TOMM6: variants seen among roughly 807,000 people sequenced by gnomAD.
TOMM6 encodes the protein mitochondrial import receptor subunit TOM6 homolog.
A neutral mutation model predicts 6.0 loss-of-function variants in TOMM6; 6 were observed. That is an observed-to-expected ratio of 1.00 (90% CI 0.55 to 1.98). The LOEUF (loss-of-function observed/expected upper bound fraction) is 1.98, where lower values mean the gene tolerates loss of function less well. Among genes scored for constraint, TOMM6 ranks in the 30% most tolerant of loss-of-function variants. The pLI is 0.00. For synonymous variants in TOMM6, 44 were observed against 36.3 expected, an observed-to-expected ratio of 1.21 and a Z score of -0.76; for missense variants, 104 against 95.3, an observed-to-expected ratio of 1.09 and a Z score of -0.38.
At position 41,789,173 on chromosome 6, in the gene TOMM6, C is replaced by T. The variant is rs1772747211; in HGVS notation, c.129-59C>T. 7.6e-6 allele frequency: 11 copies of T among 1,447,554 alleles called. No individual in the cohort carries two copies. The East Asian group carries it at 2.2e-4, about 29-fold the overall frequency. 89.7% of individuals were successfully genotyped at this position (1,447,554 alleles called of 1,614,324 possible). A position where few individuals can be genotyped will look rare whatever the true frequency, so the allele number is the denominator to read the frequency against. Reference sequence around the variant, plus strand: ...GGAAGCCTTTCCCCCCAGTACATTTCGTTAACTGTACAACTGACTCAGTGA... The same window carrying T: ...GGAAGCCTTTCCCCCCAGTACATTTTGTTAACTGTACAACTGACTCAGTGA... On this transcript the variant is annotated intron_variant, in intron 1 of 2. Coordinates refer to ENST00000398881, the MANE Select transcript of TOMM6 (RefSeq NM_001382294.1).
intron 1 of TOMM6, 123 bp from the exon 2 acceptor site, chr6:41,789,109 C>T (rs868656950): frequency 6.3e-5 from 55 of 872,612 alleles, no homozygotes; most frequent in Middle Eastern, 6.6e-4. Context: ...AGCAACCTGC[C>T]GTCACAACCA....
At chr6:41,787,968 C>G in intron 1 of TOMM6, 143 bp downstream of exon 1, 2 of 1,207,154 alleles carry the variant, frequency 1.7e-6, no homozygotes, top group Non-Finnish European at 2.3e-6. Flanking sequence ...CTGGCTGTGC[C>G]TCACTGAGAT....
chr6:41,789,343 A>G lies in TOMM6; in HGVS notation c.*8+7A>G. 6.5e-7 allele frequency: 1 copy of G among 1,541,614 alleles called. No individual in the cohort carries two copies. Among genetic ancestry groups the G allele is most frequent in the South Asian group, 1.2e-5 (1 of 83,862 alleles). Reference sequence around the variant, plus strand: ...CAGGGGTGTAGCCAAGTAGGTAAGCACTGAACTACACCCATGCGTGTCTTA... The same window carrying G: ...CAGGGGTGTAGCCAAGTAGGTAAGCGCTGAACTACACCCATGCGTGTCTTA... On this transcript the variant is annotated splice_region_variant and intron_variant, in intron 2 of 2. Transcript: ENST00000398881.
rs373568697 is a variant in TOMM6, at chr6:41,787,760, G to A, written c.63G>A (p.Pro21=). Residue 21 remains proline (P), a synonymous_variant, in exon 1 of 3, where the codon CCG becomes CCA. Transcript: ENST00000398881. ...CGGCTAATGAAACTCCCGAAATACCGGACAACGTGGGAGATTGGCTTCGGG... is the reference window on the plus strand; with the variant it reads ...CGGCTAATGAAACTCCCGAAATACCAGACAACGTGGGAGATTGGCTTCGGG... ...AGSANETPEI[P]DNVGDWLRGV... is the part of the protein sequence containing the mutation. 7 of 1,551,594 alleles carry A rather than the reference G, an allele frequency of 4.5e-6. No individual in the cohort carries two copies. The African/African-American group carries it at 8.2e-5, about 18-fold the overall frequency.
chr6:41,788,379 C>A (rs1439501175), intron 1 of TOMM6, among the ~76,000 whole-genome samples: 2 of 140,352 alleles, frequency 1.4e-5, no homozygotes, highest in Admixed American at 7.3e-5. Context: ...CTCCTGACCT[C>A]GTGATCCGCC....
intron 1 of TOMM6, among the ~76,000 whole-genome samples, chr6:41,788,270 GAGT>G (rs1772720334): frequency 8.6e-6 from 1 of 116,514 alleles, no homozygotes; most frequent in Non-Finnish European, 1.8e-5. Flanking sequence ...TCAGCCTCCC[GAGT>G]AGCTGGGACT....
chr6:41,787,852 T>G (rs1284622734), intron 1 of TOMM6, 27 bp downstream of exon 1: 1 of 1,550,772 alleles, frequency 6.4e-7, no homozygotes, highest in African/African-American at 1.4e-5. Flanking sequence ...AACTTGGTCC[T>G]TTTCTGGCCC....
At chr6:41,789,367 T>C in intron 2 of TOMM6, 31 bp downstream of exon 2, 10 of 1,465,254 alleles carry the variant, frequency 6.8e-6, no homozygotes, top group Non-Finnish European at 9.4e-6. Flanking sequence ...ATGCGTGTCT[T>C]AGGAGACCTA....
rs534595534 is a variant in TOMM6, at chr6:41,788,135, A to T, written c.128+310A>T. 3.1e-3 allele frequency among the ~76,000 whole-genome samples: 260 copies of T among 84,070 alleles called. 6 individuals carry two copies. The East Asian group carries it at 0.075, about 24-fold the overall frequency. 55.2% of individuals were successfully genotyped at this position (84,070 alleles called of 152,430 possible). A position where few individuals can be genotyped will look rare whatever the true frequency, so the allele number is the denominator to read the frequency against. ...AGCTGGGCTTTGCGTTTGATCTTAC[A>T]TTTCTTTTTTGTTTTTTTTTTTTTT... On this transcript the variant is annotated intron_variant, in intron 1 of 2. Coordinates refer to ENST00000398881, the MANE Select transcript of TOMM6 (RefSeq NM_001382294.1).
At chr6:41,787,898 G>C in intron 1 of TOMM6, 73 bp downstream of exon 1, 1 of 1,522,246 alleles carries the variant, frequency 6.6e-7, no homozygotes, top group South Asian at 1.2e-5. Flanking sequence ...CGAGGCTGGC[G>C]CCTCAGGGTT....
chr6:41,787,736 G>A lies in TOMM6; in HGVS notation c.39G>A (p.Ser13=). ...SSTVPVSAAG[S]ANETPEIPDN... is the part of the protein sequence containing the mutation. The stretch of plus-strand genomic sequence containing the variant: ...CTGTCCCGGTGAGCGCTGCTGGCTC[G>A]GCTAATGAAACTCCCGAAATACCGG... Residue 13 remains serine (S), a synonymous_variant, in exon 1 of 3, where the codon TCG becomes TCA. Transcript: ENST00000398881. 2 of 1,551,668 alleles carry A rather than the reference G, an allele frequency of 1.3e-6. No individual in the cohort carries two copies. The highest frequency in any genetic ancestry group is 1.2e-5 in the South Asian group (1 of 84,052).
intron 1 of TOMM6, among the ~76,000 whole-genome samples, chr6:41,788,235 C>A (rs563051975): frequency 2.0e-5 from 3 of 150,094 alleles, no homozygotes; most frequent in African/African-American, 7.3e-5. Context: ...AGCTCCGCCT[C>A]CCGGGTTCAC....
rs1772748967 is a variant in TOMM6, at chr6:41,789,256, CTT to C, written c.155_156del (p.Phe52CysfsTer12). On this transcript the variant is annotated frameshift_variant, in exon 2 of 3. Coordinates refer to ENST00000398881, the MANE Select transcript of TOMM6 (RefSeq NM_001382294.1). LOFTEE classifies it high-confidence loss of function. The stretch of plus-strand genomic sequence containing the variant: ...GGAACTTGATACTAAATTTGGGACT[CTT>C]TGCTGCGGGAGTTTGGCTGGCCAGG... ...RRNLILNLGL[F>X]AAGVWLARNL... 2 of 1,551,262 alleles carry C rather than the reference CTT, an allele frequency of 1.3e-6. No individual in the cohort carries two copies. The highest frequency in any genetic ancestry group is 1.7e-6 in the Non-Finnish European group (2 of 1,146,982).
chr6:41,787,738 C>T lies in TOMM6; in HGVS notation c.41C>T (p.Ala14Val). Residue 14 changes from alanine (A) to valine (V), a missense_variant, in exon 1 of 3, where the codon GCT becomes GTT. Ala to Val is a moderately conservative substitution (Grantham distance 64). Coordinates refer to ENST00000398881, the MANE Select transcript of TOMM6 (RefSeq NM_001382294.1). The part of the protein sequence containing the change: ...STVPVSAAGS[A>V]NETPEIPDNV... ...GTCCCGGTGAGCGCTGCTGGCTCGGCTAATGAAACTCCCGAAATACCGGAC... is the reference window on the plus strand; with the variant it reads ...GTCCCGGTGAGCGCTGCTGGCTCGGTTAATGAAACTCCCGAAATACCGGAC... 6.4e-7 allele frequency: 1 copy of T among 1,551,706 alleles called. No individual in the cohort carries two copies. Among genetic ancestry groups the T allele is most frequent in the Non-Finnish European group, 8.7e-7 (1 of 1,146,986 alleles).
intron 1 of TOMM6, 54 bp downstream of exon 1, chr6:41,787,879 C>T (rs1772705743): frequency 1.3e-6 from 2 of 1,536,288 alleles, no homozygotes; most frequent in African/African-American, 1.4e-5. Context: ...CCGTATTTCC[C>T]CTTTCTTGCG....
Position 41,788,146 on chromosome 6 carries a change from G to GTTT in TOMM6, c.128+335_128+337dup, listed in dbSNP as rs1363261822. 8.4e-4 allele frequency among the ~76,000 whole-genome samples: 81 copies of GTTT among 95,960 alleles called. 9 individuals are homozygous for GTTT. The highest frequency in any genetic ancestry group is 1.1e-3 in the Non-Finnish European group (49 of 45,148). The allele number at this position is 95,960 out of a possible 152,430, so 63.0% of individuals were successfully genotyped here. A position where few individuals can be genotyped will look rare whatever the true frequency, so the allele number is the denominator to read the frequency against. The stretch of plus-strand genomic sequence containing the variant: ...GCGTTTGATCTTACATTTCTTTTTT[G>GTTT]TTTTTTTTTTTTTTTTGAGACGGAG... On this transcript the variant is annotated intron_variant, in intron 1 of 2. Transcript: ENST00000398881.
At chr6:41,788,878 T>A (rs916074422) in intron 1 of TOMM6, among the ~76,000 whole-genome samples, 1 of 151,656 alleles carries the variant, frequency 6.6e-6, no homozygotes, top group African/African-American at 2.4e-5. Context: ...CCCCAGTAGC[T>A]GGGATTACAG....
At position 41,787,763 on chromosome 6, in the gene TOMM6, C is replaced by G. The variant is rs983642985; in HGVS notation, c.66C>G (p.Asp22Glu). Residue 22 changes from aspartate (D) to glutamate (E), a missense_variant, in exon 1 of 3, where the codon GAC becomes GAG. Physicochemically the swap from Asp to Glu is conservative, Grantham distance 45. Transcript: ENST00000398881. ...GSANETPEIP[D>E]NVGDWLRGVY... is the part of the protein sequence containing the mutation. ...CTAATGAAACTCCCGAAATACCGGACAACGTGGGAGATTGGCTTCGGGGCG... is the reference window on the plus strand; with the variant it reads ...CTAATGAAACTCCCGAAATACCGGAGAACGTGGGAGATTGGCTTCGGGGCG... 4 of 1,551,618 alleles carry G rather than the reference C, an allele frequency of 2.6e-6. No individual in the cohort carries two copies. In the African/African-American group the frequency reaches 5.5e-5, roughly 21 times the overall value.
intron 1 of TOMM6, among the ~76,000 whole-genome samples, chr6:41,788,146 GTTTT>G (rs1363261822): frequency 0.084 from 8,062 of 95,918 alleles, 459 homozygotes; most frequent in African/African-American, 0.18. Context: ...TTTCTTTTTT[GTTTT>G]TTTTTTTTTT....
Sources: allele counts gnomAD v4.1 joint callset (sites outside exome capture counted in the v4.1 genomes callset), GRCh38; gene constraint gnomAD v4.1.1; transcripts MANE v1.5; gene names NCBI Gene and HGNC (gene_info 2026-07-23, HGNC 2026-07-21).